COLEC12: variants seen among roughly 807,000 people sequenced by gnomAD.
The protein encoded by COLEC12 is collectin-12.
COLEC12 carries 33 observed loss-of-function variants against 71.1 expected under a neutral mutation model. The observed-to-expected ratio is 0.46, with a 90% CI of 0.35 to 0.62. The LOEUF is 0.62. Among genes scored for constraint, COLEC12 ranks in the 20% least tolerant of loss-of-function variants. The probability of loss-of-function intolerance (pLI) is 0.00; values close to 1 mark genes in which losing one functional copy is unlikely to be tolerated. For synonymous variants in COLEC12, 350 were observed against 353.0 expected (o/e 0.99, Z 0.10); for missense variants, 765 against 916.1 (o/e 0.84, Z 2.13).
intron 2 of COLEC12, among the ~76,000 whole-genome samples, chr18:403,411 T>C (rs1915726091): frequency 6.6e-6 from 1 of 152,196 alleles, no homozygotes; most frequent in Non-Finnish European, 1.5e-5. Flanking sequence ...TTCTAATGCC[T>C]AGAGTGGGAA....
chr18:344,559 A>T, intron 5 of COLEC12, among the ~76,000 whole-genome samples: 1 of 152,210 alleles, frequency 6.6e-6, no homozygotes. Context: ...ATTATCTTCC[A>T]GAGGTGGTCT....
chr18:424,523 G>A (rs996236774), intron 2 of COLEC12: 6 of 152,184 alleles, frequency 3.9e-5, no homozygotes, highest in Admixed American at 3.9e-4. Context: ...GCTTCTGCCT[G>A]ATTATTTACA....
intron 5 of COLEC12, among the ~76,000 whole-genome samples, chr18:342,733 G>T (rs867562823): frequency 6.6e-6 from 1 of 152,178 alleles, no homozygotes; most frequent in South Asian, 2.1e-4. Context: ...CAGTGGAATA[G>T]AATGAATAGA....
chr18:399,984 T>C lies in COLEC12; in HGVS notation c.59-42462A>G, dbSNP rs948332842. 1.3e-5 allele frequency among the ~76,000 whole-genome samples: 2 copies of C among 152,214 alleles called. No homozygotes were observed. Among genetic ancestry groups the C allele is most frequent in the African/African-American group, 4.8e-5 (2 of 41,448 alleles). On this transcript the variant is annotated intron_variant, in intron 2 of 9. Coordinates refer to ENST00000400256, the MANE Select transcript of COLEC12 (RefSeq NM_130386.3). This position sits in a 1 kb window ranked among gnomAD's most constrained non-coding sequence, Gnocchi z 4.0. The stretch of plus-strand genomic sequence containing the variant: ...TAGTGACTGAAGAGGCTGTATTTAT[T>C]GGGAGTGTATAGAAAATCCCATGAC...
In COLEC12 at chr18:335,473, C is replaced by T. The variant is rs56961017; in HGVS notation, c.1328-243G>A. On this transcript the variant is annotated intron_variant, in intron 5 of 9. Transcript: ENST00000400256. ...TCAGGATGGGACTTATTAAGAGACACGGCCTTTACAGAGGTCATCGAGTTA... is the reference window on the plus strand; with the variant it reads ...TCAGGATGGGACTTATTAAGAGACATGGCCTTTACAGAGGTCATCGAGTTA... Among the ~76,000 whole-genome samples, 1,200 of 152,256 alleles carry T rather than the reference C, an allele frequency of 7.9e-3. 17 individuals are homozygous for T. The highest frequency in any genetic ancestry group is 0.028 in the African/African-American group (1,145 of 41,514).
intron 7 of COLEC12, 117 bp downstream of exon 7, chr18:332,890 C>T: frequency 1.1e-6 from 1 of 898,962 alleles, no homozygotes; most frequent in Non-Finnish European, 1.7e-6. Context: ...TGTTGCCTCC[C>T]ATGTTTACGT....
At chr18:400,634 A>G (rs1359877453) in intron 2 of COLEC12, among the ~76,000 whole-genome samples, 1 of 152,170 alleles carries the variant, frequency 6.6e-6, no homozygotes. Context: ...ATGGCCAAAA[A>G]CTGGCAGCCT....
chr18:494,442 T>TA (rs11373853), intron 1 of COLEC12, among the ~76,000 whole-genome samples: 51,481 of 151,916 alleles, frequency 0.34, 9,090 homozygotes, highest in African/African-American at 0.44. Flanking sequence ...ATTTAATCCT[T>TA]AAACAACATC....
chr18:449,807 T>C lies in COLEC12; in HGVS notation c.58+30900A>G, dbSNP rs149114293. On this transcript the variant is annotated intron_variant, in intron 2 of 9. Transcript: ENST00000400256. ...GGCAATCTCTGCTCCCGGGCACCCA[T>C]GTACCTGGCTGAGACTTTCTCAGAG... is the stretch of plus-strand genomic sequence containing the variant. Among the ~76,000 whole-genome samples, 598 of 152,366 alleles carry C rather than the reference T, an allele frequency of 3.9e-3. 1 individual carries two copies. Among genetic ancestry groups the C allele is most frequent in the Non-Finnish European group, 6.2e-3 (425 of 68,038 alleles).
Position 319,956 on chromosome 18 carries a change from C to A in COLEC12, c.*89G>T, listed in dbSNP as rs1313552258. The A allele has an allele frequency of 5.4e-6, 4 of 738,426 alleles. No homozygotes were observed. Among genetic ancestry groups the A allele is most frequent in the South Asian group, 3.5e-5 (2 of 57,068 alleles). 45.7% of individuals were successfully genotyped at this position (738,426 alleles called of 1,614,324 possible). The stretch of plus-strand genomic sequence containing the variant: ...TTGGTTTTCAGTGCTTTTTTTTTTT[C>A]AATCTGATGAGAAGGTGATGCAATT... On this transcript the variant is annotated 3_prime_UTR_variant, in exon 10 of 10. Transcript: ENST00000400256.
chr18:496,728 CTG>C (rs930820737), intron 1 of COLEC12, among the ~76,000 whole-genome samples: 15 of 152,326 alleles, frequency 9.8e-5, no homozygotes, highest in African/African-American at 3.6e-4. Context: ...CAGCTGAACA[CTG>C]TGTTTTCATG....
At chr18:335,373 T>C (rs1177956675) in intron 5 of COLEC12, 143 bp from the exon 6 acceptor site, 11 of 896,670 alleles carry the variant, frequency 1.2e-5, no homozygotes, top group East Asian at 2.9e-5. Flanking sequence ...CTGTTTATCA[T>C]ACTACTGTAG....
intron 2 of COLEC12, among the ~76,000 whole-genome samples, chr18:384,599 G>T (rs1307360719): frequency 1.3e-5 from 2 of 152,188 alleles, no homozygotes; most frequent in Admixed American, 1.3e-4. Context: ...TTAAAAGAAT[G>T]TGCAACCTAC....
rs1428996401 is a variant in COLEC12, at chr18:318,490, T to TG, written c.*1554_*1555insC. On this transcript the variant is annotated 3_prime_UTR_variant, in exon 10 of 10. Coordinates refer to ENST00000400256, the MANE Select transcript of COLEC12 (RefSeq NM_130386.3). ...AGGAAGATGGGCTCAGAGGAAAGGT[T>TG]TTTTTTTTTTTTTTTTTTTTGAGAT... 1 of 76,016 alleles carries TG rather than the reference T, an allele frequency of 1.3e-5. No individual in the cohort carries two copies. The allele number at this position is 76,016 out of a possible 1,614,324, so 4.7% of individuals were successfully genotyped here.
At chr18:465,041 C>G (rs1388352392) in intron 2 of COLEC12, among the ~76,000 whole-genome samples, 1 of 152,174 alleles carries the variant, frequency 6.6e-6, no homozygotes, top group Non-Finnish European at 1.5e-5. Context: ...TAAAGTTGAC[C>G]CCTTCTTACC....
chr18:489,736 G>A (rs1271047524), intron 1 of COLEC12, among the ~76,000 whole-genome samples: 1 of 152,190 alleles, frequency 6.6e-6, no homozygotes, highest in Non-Finnish European at 1.5e-5. Flanking sequence ...TATCAACACT[G>A]AATGTGGATC....
intron 2 of COLEC12, among the ~76,000 whole-genome samples, chr18:373,724 C>G (rs1354562221): frequency 6.6e-6 from 1 of 152,022 alleles, no homozygotes; most frequent in Non-Finnish European, 1.5e-5. Flanking sequence ...AGCAGCAGCC[C>G]CCCACCTCCC....
chr18:430,248 C>T (rs1452559494), intron 2 of COLEC12, among the ~76,000 whole-genome samples: 1 of 151,766 alleles, frequency 6.6e-6, no homozygotes, highest in Non-Finnish European at 1.5e-5. Flanking sequence ...GCACAAGAAT[C>T]ACTTGAACCT....
intron 8 of COLEC12, among the ~76,000 whole-genome samples, chr18:322,056 G>T (rs764082521): frequency 5.3e-5 from 8 of 152,200 alleles, no homozygotes; most frequent in Non-Finnish European, 1.2e-4. Flanking sequence ...TCACTAGGCT[G>T]GTTCATCAGA....
Sources: gnomAD v4.1 joint callset for allele counts (sites outside exome capture counted in the v4.1 genomes callset) on GRCh38, gnomAD v4.1.1 for gene constraint, Gnocchi (gnomAD v3.1) non-coding constraint, MANE v1.5 for transcripts, NCBI Gene and HGNC (gene_info 2026-07-23, HGNC 2026-07-21) for gene names.